UBE2E3: variants seen among roughly 807,000 people sequenced by gnomAD.
UBE2E3 encodes the protein ubiquitin-conjugating enzyme E2 E3.
A neutral mutation model predicts 23.6 loss-of-function variants in UBE2E3; 5 were observed. The ratio of observed to expected loss-of-function variants is 0.21; its 90% confidence interval spans 0.11 to 0.44. UBE2E3 has a LOEUF of 0.44. Among genes scored for constraint, UBE2E3 ranks in the 20% least tolerant of loss-of-function variants. The pLI, the probability that UBE2E3 is intolerant of heterozygous loss-of-function variation, is 0.99. For missense variants in UBE2E3, 81 were observed against 249.8 expected (o/e 0.32, Z 4.55); for synonymous variants, 78 against 87.5 (o/e 0.89, Z 0.60).
chr2:181,023,916 T>C (rs142692439), intron 3 of UBE2E3, among the ~76,000 whole-genome samples: 124 of 152,280 alleles, frequency 8.1e-4, no homozygotes, highest in Non-Finnish European at 5.1e-4. Context: ...ATTATTATTA[T>C]CCTTAATTTA....
At chr2:181,041,232 C>CAAAAAAAAAAA (rs1686488045) in intron 3 of UBE2E3, among the ~76,000 whole-genome samples, 2 of 31,888 alleles carry the variant, frequency 6.3e-5, no homozygotes, top group Non-Finnish European at 1.2e-4. Flanking sequence ...AAGACTCCGT[C>CAAAAAAAAAAA]TCAAAAAAAA....
intron 3 of UBE2E3, among the ~76,000 whole-genome samples, chr2:181,035,038 A>C (rs1686224928): frequency 6.6e-6 from 1 of 152,190 alleles, no homozygotes; most frequent in Non-Finnish European, 1.5e-5. Context: ...CGCCTTGGAA[A>C]AGCTACATAA....
At chr2:181,044,643 TATA>T (rs1686616053) in intron 3 of UBE2E3, among the ~76,000 whole-genome samples, 1 of 152,180 alleles carries the variant, frequency 6.6e-6, no homozygotes, top group Non-Finnish European at 1.5e-5. Context: ...ATTATGCTGA[TATA>T]ATTTTTTATG....
chr2:181,029,659 C>CTTTTTTTTTTTTTTTTTTTATTTT (rs1686010448), intron 3 of UBE2E3, among the ~76,000 whole-genome samples: 1 of 116,852 alleles, frequency 8.6e-6, no homozygotes, highest in African/African-American at 3.3e-5. Flanking sequence ...TGTAGACAAT[C>CTTTTTTTTTTTTTTTTTTTATTTT]TTTTTTTTTT....
intron 3 of UBE2E3, among the ~76,000 whole-genome samples, chr2:181,056,879 G>C (rs1687003558): frequency 6.6e-6 from 1 of 151,790 alleles, no homozygotes. Context: ...CATCACCAAT[G>C]AGGTACAGGT....
intron 3 of UBE2E3, among the ~76,000 whole-genome samples, chr2:181,047,297 C>T (rs551734186): frequency 1.3e-5 from 2 of 152,096 alleles, no homozygotes; most frequent in Admixed American, 1.3e-4. Flanking sequence ...TCTCAGGTAT[C>T]ATCTCGCCTT....
chr2:181,043,447 A>G (rs773353876), intron 3 of UBE2E3, among the ~76,000 whole-genome samples: 2 of 152,186 alleles, frequency 1.3e-5, no homozygotes, highest in African/African-American at 2.4e-5. Context: ...TTTCAGGCTT[A>G]GTGTATAAGA....
chr2:181,047,460 T>G lies in UBE2E3; in HGVS notation c.246-10233T>G, dbSNP rs1317847362. Among the ~76,000 whole-genome samples, 3 of 152,148 alleles carry G rather than the reference T, an allele frequency of 2.0e-5. No individual in the cohort carries two copies. In the South Asian group the frequency reaches 6.2e-4, roughly 31 times the overall value. ...ACATACTTATCTTTTGGATATCTCA[T>G]AAACTTCTTAGTCCCAGTGTATCCA... is the stretch of plus-strand genomic sequence containing the variant. On this transcript the variant is annotated intron_variant, in intron 3 of 5. Transcript: ENST00000410062.
chr2:181,032,990 T>G (rs2105650039), intron 3 of UBE2E3, among the ~76,000 whole-genome samples: 1 of 152,190 alleles, frequency 6.6e-6, no homozygotes, highest in Non-Finnish European at 1.5e-5. Flanking sequence ...AAGGACCTCT[T>G]CAAGGAGAAC....
chr2:181,027,825 A>ATTTAC (rs1685946880), intron 3 of UBE2E3, among the ~76,000 whole-genome samples: 1 of 152,060 alleles, frequency 6.6e-6, no homozygotes, highest in Admixed American at 6.6e-5. Flanking sequence ...TTGTACAGAA[A>ATTTAC]AAAGTAAATT....
intron 3 of UBE2E3, among the ~76,000 whole-genome samples, chr2:180,996,146 A>G (rs1449777908): frequency 6.6e-6 from 1 of 152,218 alleles, no homozygotes; most frequent in East Asian, 1.9e-4. Flanking sequence ...TTGCTCTAGG[A>G]AACCTTAGAG....
intron 3 of UBE2E3, among the ~76,000 whole-genome samples, chr2:181,008,655 GTC>G (rs1046211240): frequency 2.2e-4 from 33 of 152,176 alleles, no homozygotes; most frequent in African/African-American, 7.2e-4. Context: ...CTGTGGCGGA[GTC>G]TCTAGTGGTG....
At chr2:181,004,217 A>C (rs1290859724) in intron 3 of UBE2E3, among the ~76,000 whole-genome samples, 1 of 152,268 alleles carries the variant, frequency 6.6e-6, no homozygotes, top group African/African-American at 2.4e-5. Context: ...CAGAAATTAT[A>C]ATTTTTAGAG....
chr2:180,992,326 AACACAAG>A (rs1430849509), intron 3 of UBE2E3, among the ~76,000 whole-genome samples: 1 of 152,174 alleles, frequency 6.6e-6, no homozygotes, highest in African/African-American at 2.4e-5. Flanking sequence ...TTAATTCTTA[AACACAAG>A]TATTAAGTAA....
chr2:181,053,211 C>T (rs1041741977), intron 3 of UBE2E3, among the ~76,000 whole-genome samples: 1 of 151,756 alleles, frequency 6.6e-6, no homozygotes, highest in African/African-American at 2.4e-5. Flanking sequence ...GTGGTCAATT[C>T]GAAGGCACTC....
At chr2:181,030,761 C>T (rs1477772045) in intron 3 of UBE2E3, among the ~76,000 whole-genome samples, 2 of 151,950 alleles carry the variant, frequency 1.3e-5, no homozygotes, top group Non-Finnish European at 2.9e-5. Context: ...TATTGTATAA[C>T]CAGTATTCAC....
intron 3 of UBE2E3, among the ~76,000 whole-genome samples, chr2:181,028,209 T>G (rs537328178): frequency 6.6e-6 from 1 of 152,236 alleles, no homozygotes; most frequent in South Asian, 2.1e-4. Flanking sequence ...CTCTTAAATC[T>G]TGTTTTAAGA....
intron 3 of UBE2E3, among the ~76,000 whole-genome samples, chr2:181,035,306 G>A (rs1365310163): frequency 6.6e-6 from 1 of 152,092 alleles, no homozygotes; most frequent in Non-Finnish European, 1.5e-5. Context: ...TTCAAGGGTT[G>A]CAGTAGTACT....
chr2:181,042,460 T>G (rs1686544776), intron 3 of UBE2E3, among the ~76,000 whole-genome samples: 1 of 152,226 alleles, frequency 6.6e-6, no homozygotes, highest in South Asian at 2.1e-4. Flanking sequence ...GGGAAGTCCT[T>G]CTATTTATTA....
Sources: gnomAD v4.1 joint callset for allele counts (sites outside exome capture counted in the v4.1 genomes callset) on GRCh38, gnomAD v4.1.1 for gene constraint, MANE v1.5 for transcripts, NCBI Gene and HGNC (gene_info 2026-07-23, HGNC 2026-07-21) for gene names.